NAV3: variants seen among roughly 807,000 people sequenced by gnomAD.
NAV3 encodes neuron navigator 3, also known as pore membrane and/or filament interacting like protein 1.
A neutral mutation model predicts 244.7 loss-of-function variants in NAV3; 87 were observed. The observed-to-expected ratio is 0.36, with a 90% confidence interval of 0.30 to 0.42. The LOEUF (loss-of-function observed/expected upper bound fraction) is 0.42. Ranked by LOEUF, NAV3 falls within the 20% of genes least tolerant of loss-of-function variation. The pLI, the probability that NAV3 is intolerant of heterozygous loss-of-function variation, is 1.00. For missense variants in NAV3, 2,663 were observed against 2,893.3 expected (o/e 0.92, Z 1.83); for synonymous variants, 1,126 against 1,042.2 (o/e 1.08, Z -1.55).
intron 12 of NAV3, 105 bp from the exon 13 acceptor site, chr12:78,116,667 A>G: frequency 1.7e-6 from 2 of 1,210,474 alleles, no homozygotes; most frequent in Non-Finnish European, 2.2e-6. Context: ...GATATTTTTT[A>G]AAAGAATGTC....
chr12:78,165,390 C>CCATATCTT (rs1957737712), intron 23 of NAV3, among the ~76,000 whole-genome samples: 1 of 151,804 alleles, frequency 6.6e-6, no homozygotes, highest in Non-Finnish European at 1.5e-5. Context: ...GACTTTAAAT[C>CCATATCTT]CATATCTTGA....
Position 78,119,219 on chromosome 12 carries a change from G to C in NAV3, c.3041-18G>C, listed in dbSNP as rs751691724. The C allele has an allele frequency of 2.5e-6, 4 of 1,600,776 alleles. No individual in the cohort carries two copies. The highest frequency in any genetic ancestry group is 2.2e-5 in the East Asian group (1 of 44,796). The stretch of plus-strand genomic sequence containing the variant: ...AAACTCTACAGGCACATATATTTGT[G>C]TATTTCTCCTTAATTAGGGAAAACC... On this transcript the variant is annotated intron_variant, in intron 14 of 39. Coordinates refer to ENST00000397909, the MANE Select transcript of NAV3 (RefSeq NM_001024383.2).
intron 2 of NAV3, among the ~76,000 whole-genome samples, chr12:77,595,434 T>C (rs558952563): frequency 6.6e-6 from 1 of 152,180 alleles, no homozygotes; most frequent in Admixed American, 6.5e-5. Context: ...GAGTTGAAGT[T>C]ATCTGGAATG....
chr12:77,647,519 T>G (rs1407838463), intron 2 of NAV3, among the ~76,000 whole-genome samples: 1 of 151,958 alleles, frequency 6.6e-6, no homozygotes, highest in Non-Finnish European at 1.5e-5. Flanking sequence ...ATTTCAGAAA[T>G]TTGAGATTAG....
chr12:78,188,916 C>G, intron 33 of NAV3, 139 bp downstream of exon 33: 4 of 655,350 alleles, frequency 6.1e-6, no homozygotes, highest in Non-Finnish European at 1.0e-5. Context: ...CAATATGACT[C>G]ATTTCATACC....
At position 77,759,398 on chromosome 12, in the gene NAV3, C is replaced by T. The variant is rs983673784; in HGVS notation, c.73-180921C>T. Among the ~76,000 whole-genome samples, 6 of 152,298 alleles carry T rather than the reference C, an allele frequency of 3.9e-5. No individual in the cohort carries two copies. In the East Asian group the frequency reaches 7.7e-4, roughly 20 times the overall value. On this transcript the variant is annotated intron_variant, in intron 2 of 8. Coordinates refer to the NAV3 transcript ENST00000550042. ...TGGATTAAAAGGTGGAGCTGGTATT[C>T]AATCTCAGGTCTTTCTTTTTGACTG...
At chr12:77,820,575 A>C (rs1300087979) in intron 2 of NAV3, among the ~76,000 whole-genome samples, 4 of 152,198 alleles carry the variant, frequency 2.6e-5, no homozygotes, top group Admixed American at 1.3e-4. Context: ...GGTGACAAAA[A>C]CATTCAAACC....
At chr12:77,744,575 G>C (rs1311784665) in intron 2 of NAV3, among the ~76,000 whole-genome samples, 1 of 151,924 alleles carries the variant, frequency 6.6e-6, no homozygotes, top group East Asian at 1.9e-4. Flanking sequence ...ACAGGAAGTA[G>C]AGGGGTAAAC....
intron 1 of NAV3, among the ~76,000 whole-genome samples, 172 bp downstream of exon 1, chr12:77,831,876 CTTAGT>C (rs748573938): frequency 6.6e-5 from 10 of 152,162 alleles, no homozygotes; most frequent in East Asian, 1.9e-4. Context: ...ACACTGTATT[CTTAGT>C]TTAGAGTTGT....
At chr12:78,056,194 A>T (rs1432975014) in intron 11 of NAV3, 1 of 152,208 alleles carries the variant, frequency 6.6e-6, no homozygotes, top group Non-Finnish European at 1.5e-5. Flanking sequence ...CCTGTGCGGA[A>T]GATGCTAAGA....
chr12:78,055,798 G>A (rs1046459242), intron 11 of NAV3, among the ~76,000 whole-genome samples: 14 of 152,202 alleles, frequency 9.2e-5, no homozygotes, highest in African/African-American at 3.4e-4. Flanking sequence ...GACTGTAAAA[G>A]AGACTAGGTT....
intron 1 of NAV3, among the ~76,000 whole-genome samples, chr12:77,836,076 C>T (rs1346344943): frequency 1.3e-5 from 2 of 152,318 alleles, no homozygotes; most frequent in South Asian, 4.1e-4. Flanking sequence ...TTTCTAATCT[C>T]TCTCATATGG....
chr12:78,167,712 G>A (rs1340745424), intron 23 of NAV3, among the ~76,000 whole-genome samples: 1 of 151,420 alleles, frequency 6.6e-6, no homozygotes, highest in Non-Finnish European at 1.5e-5. Flanking sequence ...AGATGCTGAA[G>A]GCAGTGATGA....
Position 78,006,710 on chromosome 12 carries a change from T to C in NAV3, c.1172T>C (p.Val391Ala), listed in dbSNP as rs1448756552. ...QKSMLEKFKL[V>A]NARTALRPPQ... is the part of the protein sequence containing the mutation. ...TCCATGCTTGAGAAATTCAAGCTAG[T>C]CAATGCCCGGACTGCTTTACGCCCC... The change falls in exon 8 of 40, where the codon GTC becomes GCC. Residue 391 changes from valine to alanine, a missense_variant. Physicochemically the swap from Val to Ala is moderately conservative, Grantham distance 64. Coordinates refer to ENST00000397909, the MANE Select transcript of NAV3 (RefSeq NM_001024383.2). 2 of 1,614,036 alleles carry C rather than the reference T, an allele frequency of 1.2e-6. No individual in the cohort carries two copies. The highest frequency in any genetic ancestry group is 2.7e-5 in the African/African-American group (2 of 74,914).
At chr12:77,780,419 A>C (rs1243872964) in intron 2 of NAV3, among the ~76,000 whole-genome samples, 3 of 152,194 alleles carry the variant, frequency 2.0e-5, no homozygotes, top group Admixed American at 6.5e-5. Context: ...TCAACAAGCG[A>C]GACAGATTTT....
chr12:77,968,693 T>A lies in NAV3; in HGVS notation c.662T>A (p.Met221Lys), dbSNP rs778799665. 1 of 1,613,790 alleles carries A rather than the reference T, an allele frequency of 6.2e-7. No homozygotes were observed. Among genetic ancestry groups the A allele is most frequent in the Non-Finnish European group, 8.5e-7 (1 of 1,179,834 alleles). The part of the protein sequence containing the change: ...EASQAKTQQD[M>K]QSSLAARYAT... ...AGCCAGGCCAAAACCCAGCAAGATATGCAGTCCAGGTAAGGAAAGGAAGTA... is the reference window on the plus strand; with the variant it reads ...AGCCAGGCCAAAACCCAGCAAGATAAGCAGTCCAGGTAAGGAAAGGAAGTA... Residue 221 changes from methionine to lysine, a missense_variant, in exon 5 of 40, where the codon ATG becomes AAG. Physicochemically the swap from Met to Lys is moderately conservative, Grantham distance 95. This residue lies in a region of NAV3 where 1,521 missense variants were observed against 1,497.0 expected (regional missense o/e 1.02). Coordinates refer to ENST00000397909, the MANE Select transcript of NAV3 (RefSeq NM_001024383.2).
intron 22 of NAV3, among the ~76,000 whole-genome samples, chr12:78,150,704 G>C (rs185720328): frequency 1.1e-4 from 16 of 150,444 alleles, no homozygotes; most frequent in African/African-American, 3.9e-4. Flanking sequence ...TTCTAACATA[G>C]GGGAATAATC....
chr12:77,712,332 CT>C (rs1876159852), intron 2 of NAV3, among the ~76,000 whole-genome samples: 1 of 152,000 alleles, frequency 6.6e-6, no homozygotes, highest in Non-Finnish European at 1.5e-5. Flanking sequence ...ATTATTTTTC[CT>C]TCATAAATTT....
chr12:77,806,782 T>C (rs994784202), intron 2 of NAV3, among the ~76,000 whole-genome samples: 13 of 152,214 alleles, frequency 8.5e-5, no homozygotes, highest in Non-Finnish European at 1.8e-4. Flanking sequence ...ATTCTCCCAC[T>C]ATTATTGTGT....
Sources: gnomAD v4.1 joint callset for allele counts (sites outside exome capture counted in the v4.1 genomes callset) on GRCh38, gnomAD v4.1.1 for gene constraint, gnomAD v4.1.1 regional missense constraint, MANE v1.5 for transcripts, NCBI Gene and HGNC (gene_info 2026-07-23, HGNC 2026-07-21) for gene names.